The following MAP4K3 variants were observed in gnomAD, a reference collection of about 807,000 sequenced individuals.
MAP4K3 encodes the protein mitogen-activated protein kinase kinase kinase kinase 3.
MAP4K3 carries 94 observed loss-of-function variants against 143.5 expected under a neutral mutation model. The observed-to-expected ratio is 0.65, with a 90% CI of 0.55 to 0.78. The LOEUF (loss-of-function observed/expected upper bound fraction) is 0.78. Ranked by LOEUF, MAP4K3 falls within the 30% of genes least tolerant of loss-of-function variation. MAP4K3 has a pLI of 0.00. For missense variants in MAP4K3, 1,077 were observed against 1,068.1 expected, an observed-to-expected ratio of 1.01 and a Z score of -0.12; for synonymous variants, 416 against 347.2, an observed-to-expected ratio of 1.20 and a Z score of -2.20.
At chr2:39,400,755 A>G (rs947501745) in intron 1 of MAP4K3, among the ~76,000 whole-genome samples, 2 of 152,054 alleles carry the variant, frequency 1.3e-5, no homozygotes, top group Admixed American at 1.3e-4. Context: ...TTTCACTGTA[A>G]TTTCCTCTTT....
chr2:39,407,877 T>G (rs1476148460), intron 1 of MAP4K3, among the ~76,000 whole-genome samples: 1 of 151,972 alleles, frequency 6.6e-6, no homozygotes, highest in Non-Finnish European at 1.5e-5. Context: ...TGTCTAGCAC[T>G]GAACAGGTTT....
intron 1 of MAP4K3, among the ~76,000 whole-genome samples, chr2:39,379,401 C>A (rs899040452): frequency 6.6e-6 from 1 of 151,930 alleles, no homozygotes; most frequent in African/African-American, 2.4e-5. Flanking sequence ...CAAGGCAGTA[C>A]AAAAGAGATT....
At chr2:39,260,224 C>G (rs1403355521) in intron 29 of MAP4K3, among the ~76,000 whole-genome samples, 1 of 152,092 alleles carries the variant, frequency 6.6e-6, no homozygotes, top group Non-Finnish European at 1.5e-5. Flanking sequence ...AGTAATCCTC[C>G]CATCTTGGCC....
chr2:39,335,919 C>T (rs1287612043), intron 6 of MAP4K3, among the ~76,000 whole-genome samples: 1 of 152,052 alleles, frequency 6.6e-6, no homozygotes, highest in Non-Finnish European at 1.5e-5. Context: ...AGATTTGCCC[C>T]AGCCTCTATC....
chr2:39,282,163 C>A (rs981085602), intron 22 of MAP4K3, among the ~76,000 whole-genome samples: 4 of 149,976 alleles, frequency 2.7e-5, no homozygotes, highest in Middle Eastern at 3.4e-3. Flanking sequence ...CCACTGCACT[C>A]TAGCCTGGGC....
At chr2:39,314,108 C>T (rs1471516287) in intron 13 of MAP4K3, among the ~76,000 whole-genome samples, 1 of 152,070 alleles carries the variant, frequency 6.6e-6, no homozygotes, top group East Asian at 1.9e-4. Context: ...CAACTCACTG[C>T]AAACTCGGCC....
rs983992846 is a variant in MAP4K3, at chr2:39,396,667, G to A, written c.97-18544C>T. 2.0e-5 allele frequency among the ~76,000 whole-genome samples: 3 copies of A among 151,952 alleles called. 1 individual carries two copies. The highest frequency in any genetic ancestry group is 4.4e-5 in the Non-Finnish European group (3 of 67,988). On this transcript the variant is annotated intron_variant, in intron 1 of 33. Transcript: ENST00000263881. ...TTTTCGTATTTTTAGTACAGACGGG[G>A]TTTCACCCTGTTAATCAGGATGGTC...
At chr2:39,253,590 G>C (rs538512770) in intron 32 of MAP4K3, among the ~76,000 whole-genome samples, 1 of 152,230 alleles carries the variant, frequency 6.6e-6, no homozygotes, top group African/African-American at 2.4e-5. Context: ...CTAACTAGCT[G>C]AACTTGAGAC....
At chr2:39,387,979 C>T (rs1390336548) in intron 1 of MAP4K3, among the ~76,000 whole-genome samples, 1 of 152,154 alleles carries the variant, frequency 6.6e-6, no homozygotes, top group Non-Finnish European at 1.5e-5. Context: ...GGAAAATAAT[C>T]TGTGAGTGAT....
chr2:39,398,657 A>C (rs993370366), intron 1 of MAP4K3, among the ~76,000 whole-genome samples: 1 of 150,470 alleles, frequency 6.6e-6, no homozygotes, highest in African/African-American at 2.4e-5. Flanking sequence ...ATTTGGCCCC[A>C]AAAATTTACT....
Position 39,355,474 on chromosome 2 carries a change from G to A in MAP4K3, c.245+775C>T, listed in dbSNP as rs562398878. ...TGAGCCTAGGGAGGTCAAGGCTGCAGTGAGCCATGATCACACCACAGCACT... is the reference window on the plus strand; with the variant it reads ...TGAGCCTAGGGAGGTCAAGGCTGCAATGAGCCATGATCACACCACAGCACT... On this transcript the variant is annotated intron_variant, in intron 3 of 33. Transcript: ENST00000263881. Among the ~76,000 whole-genome samples the A allele has an allele frequency of 3.3e-5, 5 of 151,814 alleles. No homozygotes were observed. In the South Asian group the frequency reaches 6.3e-4, roughly 19 times the overall value.
At chr2:39,434,961 A>C (rs1353928094) in intron 1 of MAP4K3, among the ~76,000 whole-genome samples, 1 of 151,666 alleles carries the variant, frequency 6.6e-6, no homozygotes, top group East Asian at 1.9e-4. Flanking sequence ...TTTGCTTTTT[A>C]ATCATGTGGC....
chr2:39,353,771 G>A (rs913732531), intron 3 of MAP4K3, among the ~76,000 whole-genome samples: 5 of 152,088 alleles, frequency 3.3e-5, no homozygotes, highest in Non-Finnish European at 7.3e-5. Context: ...AGCAGCAATA[G>A]TAGTAGTAGC....
chr2:39,400,129 G>A (rs949361550), intron 1 of MAP4K3, among the ~76,000 whole-genome samples: 4 of 152,106 alleles, frequency 2.6e-5, no homozygotes, highest in Admixed American at 6.5e-5. Flanking sequence ...CCAACATCTC[G>A]CAACTGCCCA....
intron 1 of MAP4K3, among the ~76,000 whole-genome samples, chr2:39,423,240 T>A (rs960112022): frequency 2.0e-5 from 3 of 152,178 alleles, no homozygotes; most frequent in African/African-American, 7.2e-5. Flanking sequence ...CCTATTAGAA[T>A]AGCCAAAATT....
At chr2:39,255,516 ATT>A (rs1331839236) in intron 31 of MAP4K3, among the ~76,000 whole-genome samples, 1 of 151,824 alleles carries the variant, frequency 6.6e-6, no homozygotes, top group Non-Finnish European at 1.5e-5. Flanking sequence ...ATGTGGGTCT[ATT>A]TCTGGGCCTT....
At chr2:39,378,194 G>A in intron 1 of MAP4K3, 71 bp from the exon 2 acceptor site, 1 of 775,838 alleles carries the variant, frequency 1.3e-6, no homozygotes. Flanking sequence ...TTTCACTTTA[G>A]CTTACTGTTT....
chr2:39,321,302 T>C (rs1175651228), intron 12 of MAP4K3, among the ~76,000 whole-genome samples: 7 of 152,136 alleles, frequency 4.6e-5, no homozygotes, highest in Non-Finnish European at 8.8e-5. Context: ...CCCAACCCCG[T>C]GCTCTCTGAA....
At position 39,309,548 on chromosome 2, in the gene MAP4K3, A is replaced by ATTTTTTT. The variant is rs749101883; in HGVS notation, c.998-36_998-30dup. 5.4e-4 allele frequency: 184 copies of ATTTTTTT among 339,348 alleles called. 1 individual carries two copies. Among genetic ancestry groups the ATTTTTTT allele is most frequent in the South Asian group, 8.7e-4 (34 of 39,114 alleles). 21.0% of individuals were successfully genotyped at this position (339,348 alleles called of 1,614,324 possible). ...AAAAAGAAAAAAAAGTAAAACCAGG[A>ATTTTTTT]TTTTTTTTTTTTTTTTTTTTTTTTT... On this transcript the variant is annotated intron_variant, in intron 13 of 33. Coordinates refer to ENST00000263881, the MANE Select transcript of MAP4K3 (RefSeq NM_003618.4).
Sources: allele counts gnomAD v4.1 joint callset (sites outside exome capture counted in the v4.1 genomes callset), GRCh38; gene constraint gnomAD v4.1.1; transcripts MANE v1.5; gene names NCBI Gene and HGNC (gene_info 2026-07-23, HGNC 2026-07-21).